Variants in PIGK observed in about 807,000 individuals in gnomAD.
PIGK encodes the protein GPI-anchor transamidase.
A neutral mutation model predicts 50.6 loss-of-function variants in PIGK; 42 were observed. The ratio of observed to expected loss-of-function variants is 0.83; its 90% CI spans 0.65 to 1.07. The LOEUF (loss-of-function observed/expected upper bound fraction) is 1.07, where lower values mean the gene tolerates loss of function less well. Ranked by LOEUF, PIGK falls within the 50% of genes least tolerant of loss-of-function variation. The pLI is 0.00. For synonymous variants in PIGK, 151 were observed against 156.0 expected (o/e 0.97, Z 0.24); for missense variants, 448 against 488.7 (o/e 0.92, Z 0.78).
intron 3 of PIGK, among the ~76,000 whole-genome samples, chr1:77,191,480 C>G (rs1655902856): frequency 6.6e-6 from 1 of 152,282 alleles, no homozygotes; most frequent in East Asian, 1.9e-4. Flanking sequence ...TACATCTAAC[C>G]TCTTTAGAGT....
intron 3 of PIGK, chr1:77,195,107 T>A: frequency 8.7e-7 from 1 of 1,151,090 alleles, no homozygotes; most frequent in Non-Finnish European, 1.3e-6. Flanking sequence ...GGTGTGGTCA[T>A]ATTACACAGG....
At chr1:77,108,554 G>A (rs957875555) in intron 10 of PIGK, among the ~76,000 whole-genome samples, 1 of 120,344 alleles carries the variant, frequency 8.3e-6, no homozygotes, top group Non-Finnish European at 1.6e-5. Context: ...TGGTGAATCT[G>A]ATAAATTATG....
chr1:77,113,298 A>C (rs576613461), intron 10 of PIGK, among the ~76,000 whole-genome samples: 9 of 152,246 alleles, frequency 5.9e-5, no homozygotes, highest in African/African-American at 2.2e-4. Flanking sequence ...ATTACTACCA[A>C]GTATCTTAAT....
Position 77,210,776 on chromosome 1 carries a change from C to G in PIGK, c.94-287G>C, listed in dbSNP as rs564870042. Among the ~76,000 whole-genome samples, 110 of 152,140 alleles carry G rather than the reference C, an allele frequency of 7.2e-4. No individual in the cohort carries two copies. The South Asian group carries it at 0.022, about 31-fold the overall frequency. ...AGTAACCTTGATTAAGATACTTAAC[C>G]TCCCTGGAGACTCAGTTTCCTCATG... On this transcript the variant is annotated intron_variant, in intron 1 of 10. Transcript: ENST00000370812.
intron 3 of PIGK, among the ~76,000 whole-genome samples, chr1:77,192,078 T>C (rs1570253819): frequency 6.6e-6 from 1 of 151,804 alleles, no homozygotes; most frequent in African/African-American, 2.4e-5. Flanking sequence ...CAGGCTGCAG[T>C]GAGCCGAGAC....
chr1:77,101,822 G>T (rs1266166032), intron 10 of PIGK, among the ~76,000 whole-genome samples: 2 of 152,088 alleles, frequency 1.3e-5, no homozygotes, highest in Non-Finnish European at 2.9e-5. Flanking sequence ...TGGCCAACAT[G>T]GTGAAACCCC....
At chr1:77,172,336 G>A (rs1397465304) in intron 3 of PIGK, among the ~76,000 whole-genome samples, 1 of 152,130 alleles carries the variant, frequency 6.6e-6, no homozygotes, top group Non-Finnish European at 1.5e-5. Flanking sequence ...ATGCCAACCT[G>A]TAACCAATCC....
intron 9 of PIGK, among the ~76,000 whole-genome samples, chr1:77,137,449 C>T (rs1249576621): frequency 6.6e-6 from 1 of 152,174 alleles, no homozygotes; most frequent in Non-Finnish European, 1.5e-5. Flanking sequence ...CTGTTTATTA[C>T]ATTTTTAATT....
At chr1:77,125,354 A>G (rs1654206888) in intron 9 of PIGK, among the ~76,000 whole-genome samples, 1 of 152,208 alleles carries the variant, frequency 6.6e-6, no homozygotes, top group South Asian at 2.1e-4. Flanking sequence ...AACCAAGGAT[A>G]TGTCTGAAAT....
intron 1 of PIGK, among the ~76,000 whole-genome samples, chr1:77,211,798 T>C (rs972178779): frequency 6.9e-6 from 1 of 145,300 alleles, no homozygotes; most frequent in Non-Finnish European, 1.5e-5. Flanking sequence ...CTGAGGTTTC[T>C]TTCTTTCTTT....
chr1:77,187,842 T>C (rs960913550), intron 3 of PIGK, among the ~76,000 whole-genome samples: 4 of 152,120 alleles, frequency 2.6e-5, no homozygotes, highest in African/African-American at 9.7e-5. Flanking sequence ...AGAATGTAGA[T>C]TGTGAAGATT....
intron 10 of PIGK, among the ~76,000 whole-genome samples, chr1:77,111,820 A>C (rs1347708436): frequency 1.3e-5 from 2 of 152,116 alleles, no homozygotes; most frequent in African/African-American, 4.8e-5. Context: ...CACAAGACTA[A>C]GATATCTATT....
intron 10 of PIGK, among the ~76,000 whole-genome samples, chr1:77,094,006 T>C (rs1389962203): frequency 1.3e-5 from 2 of 152,158 alleles, no homozygotes; most frequent in African/African-American, 4.8e-5. Flanking sequence ...GTAATATAAA[T>C]ATCACAAGCA....
At chr1:77,180,435 A>G (rs1225642751) in intron 3 of PIGK, among the ~76,000 whole-genome samples, 1 of 152,208 alleles carries the variant, frequency 6.6e-6, no homozygotes, top group Non-Finnish European at 1.5e-5. Flanking sequence ...TATAAGTCAT[A>G]CATATTTACT....
chr1:77,208,915 C>T (rs1296291557), intron 2 of PIGK, among the ~76,000 whole-genome samples: 5 of 152,132 alleles, frequency 3.3e-5, no homozygotes, highest in Non-Finnish European at 7.4e-5. Flanking sequence ...AAGCCTCAAA[C>T]TTCATTTGGC....
chr1:77,145,954 C>T (rs1654757557), intron 9 of PIGK, among the ~76,000 whole-genome samples: 1 of 152,076 alleles, frequency 6.6e-6, no homozygotes, highest in African/African-American at 2.4e-5. Flanking sequence ...TGCTGCTCAA[C>T]TTATGATGGA....
At chr1:77,095,207 T>C (rs985266722) in intron 10 of PIGK, among the ~76,000 whole-genome samples, 1 of 152,148 alleles carries the variant, frequency 6.6e-6, no homozygotes, top group African/African-American at 2.4e-5. Flanking sequence ...CTTCTCACAA[T>C]AATCCATACA....
In PIGK at chr1:77,166,849, G is replaced by C; in HGVS notation, c.376-19C>G. On this transcript the variant is annotated intron_variant, in intron 4 of 10. Transcript: ENST00000370812. ...CAGTTACCTAAGGGGGAAAAAACAA[G>C]AAAAATCAGATGAAATAAAACCTGG... 3 of 1,096,006 alleles carry C rather than the reference G, an allele frequency of 2.7e-6. No individual in the cohort carries two copies. The highest frequency in any genetic ancestry group is 4.1e-6 in the Non-Finnish European group (3 of 730,022). The allele number at this position is 1,096,006 out of a possible 1,614,324, so 67.9% of individuals were successfully genotyped here. A position where few individuals can be genotyped will look rare whatever the true frequency, so the allele number is the denominator to read the frequency against.
intron 3 of PIGK, among the ~76,000 whole-genome samples, chr1:77,175,458 T>C (rs929533445): frequency 3.9e-5 from 6 of 152,158 alleles, no homozygotes; most frequent in African/African-American, 1.4e-4. Flanking sequence ...AGGAAATTTA[T>C]GCACCAAAAG....
Sources: allele counts gnomAD v4.1 joint callset (sites outside exome capture counted in the v4.1 genomes callset), GRCh38; gene constraint gnomAD v4.1.1; transcripts MANE v1.5; gene names NCBI Gene and HGNC (gene_info 2026-07-23, HGNC 2026-07-21).